CHRM5: variants seen among roughly 807,000 people sequenced by gnomAD.
CHRM5 encodes the protein muscarinic acetylcholine receptor M5.
CHRM5 carries 18 observed loss-of-function variants against 39.0 expected under a neutral mutation model. The observed-to-expected ratio is 0.46, with a 90% CI of 0.32 to 0.68. The LOEUF is 0.68. Among genes scored for constraint, CHRM5 ranks in the 30% least tolerant of loss-of-function variants. The pLI is 0.04. For synonymous variants in CHRM5, 241 were observed against 246.3 expected, an observed-to-expected ratio of 0.98 and a Z score of 0.20; for missense variants, 515 against 651.1, an observed-to-expected ratio of 0.79 and a Z score of 2.28.
At chr15:34,000,188 C>G (rs951246402) in intron 1 of CHRM5, among the ~76,000 whole-genome samples, 3 of 152,120 alleles carry the variant, frequency 2.0e-5, no homozygotes, top group Non-Finnish European at 4.4e-5. Context: ...GGTTAACAGC[C>G]CTTCCTCATT....
At position 34,038,837 on chromosome 15, in the gene CHRM5, GCCT is replaced by G. The variant is rs1044396962; in HGVS notation, c.-407-7692_-407-7690del. On this transcript the variant is annotated intron_variant, in intron 1 of 2. Transcript: ENST00000383263. Reference sequence around the variant, plus strand: ...GCTCCCGGCGGCTGCCTCGCGGGGCGCCTCCTCCTCCTCGGCCTCCGCGAGCGC... The same window carrying G: ...GCTCCCGGCGGCTGCCTCGCGGGGCGCCTCCTCCTCGGCCTCCGCGAGCGC... 2.9e-4 allele frequency: 340 copies of G among 1,187,714 alleles called. 3 individuals are homozygous for G. In the African/African-American group the frequency reaches 4.4e-3, roughly 15 times the overall value. 73.6% of individuals were successfully genotyped at this position (1,187,714 alleles called of 1,614,324 possible).
At position 34,060,235 on chromosome 15, in the gene CHRM5, GGT is replaced by G. The variant is rs540768852; in HGVS notation, c.-75-2407_-75-2406del. On this transcript the variant is annotated intron_variant, in intron 2 of 2. Transcript: ENST00000383263. The stretch of plus-strand genomic sequence containing the variant: ...GTATTATAGGTATAAGCTGACAGTT[GGT>G]AGCAGCAGGAATGGAGAGGGACCAA... Among the ~76,000 whole-genome samples, 528 of 152,240 alleles carry G rather than the reference GGT, an allele frequency of 3.5e-3. 1 individual carries two copies. The highest frequency in any genetic ancestry group is 0.014 in the South Asian group (67 of 4,822).
At chr15:34,059,882 C>T (rs1418610412) in intron 2 of CHRM5, among the ~76,000 whole-genome samples, 2 of 152,194 alleles carry the variant, frequency 1.3e-5, no homozygotes, top group Non-Finnish European at 2.9e-5. Flanking sequence ...TTTACATTCC[C>T]AACTAGTGTC....
chr15:34,017,493 T>TC (rs1555516599), intron 1 of CHRM5, among the ~76,000 whole-genome samples: 13 of 97,766 alleles, frequency 1.3e-4, no homozygotes, highest in Non-Finnish European at 2.2e-4. Flanking sequence ...TGTTTTTTTT[T>TC]TTTTTTTGAG....
In CHRM5 at chr15:34,062,825, G is replaced by A; in HGVS notation, c.108G>A (p.Val36=). ...GGGAAGTCATCACCATTGCAGCTGT[G>A]ACTGCTGTGGTAAGCCTGATCACCA... is the stretch of plus-strand genomic sequence containing the variant. The part of the protein sequence containing the change: ...RLWEVITIAA[V]TAVVSLITIV... Residue 36 remains valine (V), a synonymous_variant, in exon 3 of 3, where the codon GTG becomes GTA. Coordinates refer to ENST00000383263, the MANE Select transcript of CHRM5 (RefSeq NM_012125.4). 6.2e-7 allele frequency: 1 copy of A among 1,614,250 alleles called. No individual in the cohort carries two copies. Among genetic ancestry groups the A allele is most frequent in the East Asian group, 2.2e-5 (1 of 44,886 alleles).
intron 1 of CHRM5, among the ~76,000 whole-genome samples, chr15:34,043,055 G>C (rs1899542006): frequency 3.3e-5 from 5 of 151,958 alleles, no homozygotes; most frequent in Admixed American, 2.0e-4. Context: ...AGACCATCCT[G>C]GCTAACACAG....
intron 1 of CHRM5, among the ~76,000 whole-genome samples, chr15:34,013,825 G>C (rs764983748): frequency 1.3e-4 from 20 of 152,296 alleles, no homozygotes; most frequent in Non-Finnish European, 2.5e-4. Context: ...GCTGAGGGAA[G>C]AGTATGTACG....
At chr15:33,983,968 A>G (rs8035125) in intron 1 of CHRM5, among the ~76,000 whole-genome samples, 44,233 of 151,496 alleles carry the variant, frequency 0.29, 8,161 homozygotes, top group African/African-American at 0.51. Flanking sequence ...ATTAAGGGAC[A>G]TTCTACAATA....
chr15:33,997,374 C>G (rs1639020746), intron 1 of CHRM5, among the ~76,000 whole-genome samples: 1 of 151,994 alleles, frequency 6.6e-6, no homozygotes, highest in South Asian at 2.1e-4. Flanking sequence ...CAGCAGTTCA[C>G]AAAGAAAGCA....
chr15:34,023,054 G>A (rs1454260844), intron 1 of CHRM5, among the ~76,000 whole-genome samples: 3 of 152,218 alleles, frequency 2.0e-5, no homozygotes, highest in Non-Finnish European at 2.9e-5. Context: ...TGGCGTGGTG[G>A]TGTGCGCCTG....
At chr15:33,969,215 T>C (rs1026959516) in intron 1 of CHRM5, 65 bp downstream of exon 1, 2 of 152,096 alleles carry the variant, frequency 1.3e-5, no homozygotes, top group Non-Finnish European at 2.9e-5. Flanking sequence ...GCTCGTGCTG[T>C]GAATGAGATA....
intron 2 of CHRM5, among the ~76,000 whole-genome samples, chr15:34,054,779 C>G (rs971675430): frequency 3.3e-5 from 5 of 152,128 alleles, no homozygotes; most frequent in African/African-American, 1.2e-4. Flanking sequence ...AGCAAACCAC[C>G]CTGGCACACG....
Position 34,064,262 on chromosome 15 carries a change from A to G in CHRM5, c.1545A>G (p.Lys515=). ...TFKMLLLCRW[K]KKKVEEKLYW... ...AGATGCTGCTTCTCTGCCGATGGAA[A>G]AAGAAAAAAGTGGAAGAGAAGTTGT... Residue 515 remains lysine (K), a synonymous_variant, in exon 3 of 3, where the codon AAA becomes AAG. Coordinates refer to ENST00000383263, the MANE Select transcript of CHRM5 (RefSeq NM_012125.4). 1 of 1,614,100 alleles carries G rather than the reference A, an allele frequency of 6.2e-7. No individual in the cohort carries two copies. The highest frequency in any genetic ancestry group is 8.5e-7 in the Non-Finnish European group (1 of 1,179,998).
At chr15:34,044,111 C>A (rs1899593170) in intron 1 of CHRM5, among the ~76,000 whole-genome samples, 2 of 150,740 alleles carry the variant, frequency 1.3e-5, no homozygotes, top group South Asian at 2.1e-4. Context: ...AAAAAAAAAA[C>A]TTCTTGGCTT....
At chr15:34,021,911 A>G (rs949035606) in intron 1 of CHRM5, among the ~76,000 whole-genome samples, 2 of 152,216 alleles carry the variant, frequency 1.3e-5, no homozygotes, top group African/African-American at 2.4e-5. Flanking sequence ...CAACATTAAC[A>G]TGAAAAAGAA....
rs376934994 is a variant in CHRM5 at position 34,064,300 on chromosome 15, A to G, written c.1583A>G (p.Asn528Ser). 13 of 1,612,752 alleles carry G rather than the reference A, an allele frequency of 8.1e-6. No individual in the cohort carries two copies. In the African/African-American group the frequency reaches 1.6e-4, roughly 20 times the overall value. ...GAAGAGAAGTTGTACTGGCAGGGGA[A>G]CAGCAAGCTACCCTGAAAAGTCAAC... ...KVEEKLYWQG[N>S]SKLP is the part of the protein sequence containing the mutation. Residue 528 changes from asparagine (N) to serine (S), a missense_variant, in exon 3 of 3, where the codon AAC becomes AGC. Coordinates refer to ENST00000383263, the MANE Select transcript of CHRM5 (RefSeq NM_012125.4).
rs148989788 is a variant in CHRM5 at position 34,029,955 on chromosome 15, T to C, written c.-407-16585T>C. Among the ~76,000 whole-genome samples the C allele has an allele frequency of 4.3e-4, 66 of 152,224 alleles. 1 individual carries two copies. The East Asian group carries it at 9.7e-3, about 22-fold the overall frequency. ...TAGAATGTGAACTCTAGATTCACAA[T>C]AGAACTATAAATTCCAAGCCGAGCA... On this transcript the variant is annotated intron_variant, in intron 1 of 2. Transcript: ENST00000383263.
chr15:33,988,564 G>C (rs942758598), intron 1 of CHRM5, among the ~76,000 whole-genome samples: 2 of 152,164 alleles, frequency 1.3e-5, no homozygotes, highest in Non-Finnish European at 2.9e-5. Flanking sequence ...ACCGCCATCA[G>C]CTTGTTAGCT....
intron 1 of CHRM5, among the ~76,000 whole-genome samples, chr15:34,012,610 G>A (rs6495448): frequency 0.28 from 42,910 of 151,988 alleles, 7,500 homozygotes; most frequent in African/African-American, 0.49. Context: ...TTATCTACCA[G>A]CGTAAGTCTG....
Sources: allele counts gnomAD v4.1 joint callset (sites outside exome capture counted in the v4.1 genomes callset), GRCh38; gene constraint gnomAD v4.1.1; transcripts MANE v1.5; gene names NCBI Gene and HGNC (gene_info 2026-07-23, HGNC 2026-07-21).